The following PTPRN2 variants were observed in gnomAD, a reference collection of about 807,000 sequenced individuals.
The protein encoded by PTPRN2 is receptor-type tyrosine-protein phosphatase N2.
Under a neutral mutation model 118.8 loss-of-function variants are expected in PTPRN2, and 74 were observed. The observed-to-expected ratio is 0.62, with a 90% CI of 0.52 to 0.76. PTPRN2 has a LOEUF of 0.76. Among genes scored for constraint, PTPRN2 ranks in the 30% least tolerant of loss-of-function variants. PTPRN2 has a pLI of 0.00. For synonymous variants in PTPRN2, 641 were observed against 608.0 expected (o/e 1.05, Z -0.80); for missense variants, 1,481 against 1,394.4 (o/e 1.06, Z -0.99).
At chr7:158,227,947 C>T (rs1476117435) in intron 3 of PTPRN2, among the ~76,000 whole-genome samples, 1 of 151,198 alleles carries the variant, frequency 6.6e-6, no homozygotes, top group Non-Finnish European at 1.5e-5. Context: ...TTTTAACTCA[C>T]ATTTTCACAA....
chr7:157,583,857 G>T lies in PTPRN2; in HGVS notation c.2497-5717C>A, dbSNP rs1242203871. Among the ~76,000 whole-genome samples, 2 of 151,446 alleles carry T rather than the reference G, an allele frequency of 1.3e-5. No individual in the cohort carries two copies. Among genetic ancestry groups the T allele is most frequent in the Non-Finnish European group, 2.9e-5 (2 of 67,920 alleles). ...AGATCATGCCACTGCACGCCAGCCT[G>T]GGTGACAGAGCGAGACTCTGTCTCA... is the stretch of plus-strand genomic sequence containing the variant. On this transcript the variant is annotated intron_variant, in intron 17 of 22. Coordinates refer to ENST00000389418, the MANE Select transcript of PTPRN2 (RefSeq NM_002847.5). The surrounding 1 kb of genome is among the most constrained non-coding windows in gnomAD (Gnocchi z 5.5).
At chr7:157,679,383 G>A (rs1307731456) in intron 13 of PTPRN2, among the ~76,000 whole-genome samples, 4 of 152,098 alleles carry the variant, frequency 2.6e-5, no homozygotes, top group African/African-American at 7.2e-5. Flanking sequence ...AAACTTGGCT[G>A]GATTATCTGA....
In PTPRN2 at chr7:158,587,655, G is replaced by A; in HGVS notation, c.15C>T (p.Leu5=). 7.4e-7 allele frequency: 1 copy of A among 1,356,274 alleles called. No individual in the cohort carries two copies. Among genetic ancestry groups the A allele is most frequent in the Non-Finnish European group, 9.5e-7 (1 of 1,056,636 alleles). 84.0% of individuals were successfully genotyped at this position (1,356,274 alleles called of 1,614,324 possible). ...GCAGCAGTAGCAGCAGCAGCAGCGG[G>A]AGCGGCGGCCCCATCCCCGCGGCCT... MGPP[L]PLLLLLLLLL... is the part of the protein sequence containing the mutation. Residue 5 remains leucine, a synonymous_variant, in exon 1 of 23, where the codon CTC becomes CTT. Transcript: ENST00000389418.
Position 158,050,076 on chromosome 7 carries a change from G to T in PTPRN2, c.1723+31222C>A, listed in dbSNP as rs528459862. ...AGGAAAGAAATAAAATACATGTAGG[G>T]TAATGGGCACATTGTGATTTATATA... On this transcript the variant is annotated intron_variant, in intron 11 of 22. Coordinates refer to ENST00000389418, the MANE Select transcript of PTPRN2 (RefSeq NM_002847.5). 2.0e-5 allele frequency among the ~76,000 whole-genome samples: 3 copies of T among 152,298 alleles called. No homozygotes were observed. The East Asian group carries it at 5.8e-4, about 29-fold the overall frequency.
intron 2 of PTPRN2, among the ~76,000 whole-genome samples, chr7:158,356,301 C>A (rs909007063): frequency 2.6e-5 from 4 of 152,146 alleles, no homozygotes; most frequent in African/African-American, 9.7e-5. Flanking sequence ...ATTTATAAAG[C>A]CCCACTCAAC....
At chr7:157,782,322 TA>T (rs1376299863) in intron 12 of PTPRN2, among the ~76,000 whole-genome samples, 2 of 152,150 alleles carry the variant, frequency 1.3e-5, no homozygotes, top group Non-Finnish European at 2.9e-5. Flanking sequence ...ATCCGAGAAT[TA>T]ATGGGGCCCC....
rs1800962319 is a variant in PTPRN2 at position 157,591,147 on chromosome 7, T to C, written c.2496+4091A>G. Among the ~76,000 whole-genome samples the C allele has an allele frequency of 6.6e-6, 1 of 152,156 alleles. No homozygotes were observed. The highest frequency in any genetic ancestry group is 2.4e-5 in the African/African-American group (1 of 41,436). ...ACATAAATCCACGGTGGGGAAAAGC[T>C]GTGTGACAGGGAGGCAGAGATGAGG... On this transcript the variant is annotated intron_variant, in intron 17 of 22. Coordinates refer to ENST00000389418, the MANE Select transcript of PTPRN2 (RefSeq NM_002847.5). The surrounding 1 kb of genome is among the most constrained non-coding windows in gnomAD (Gnocchi z 4.4).
chr7:158,499,519 G>C (rs558079728), intron 1 of PTPRN2, among the ~76,000 whole-genome samples: 8 of 152,204 alleles, frequency 5.3e-5, no homozygotes, highest in Non-Finnish European at 1.2e-4. Flanking sequence ...GCCAGGCCCA[G>C]TGGCTCACGT....
chr7:158,037,071 C>G (rs1349174472), intron 11 of PTPRN2, among the ~76,000 whole-genome samples: 2 of 152,134 alleles, frequency 1.3e-5, no homozygotes, highest in Admixed American at 1.3e-4. Context: ...AACCAATGTG[C>G]CTATATGCCA....
At chr7:158,371,817 GATC>G (rs1810018904) in intron 2 of PTPRN2, among the ~76,000 whole-genome samples, 3 of 152,214 alleles carry the variant, frequency 2.0e-5, no homozygotes, top group African/African-American at 7.2e-5. Context: ...CCACATTAAA[GATC>G]ATATTTATAA....
At chr7:158,010,919 C>G (rs765535179) in intron 11 of PTPRN2, among the ~76,000 whole-genome samples, 1 of 152,206 alleles carries the variant, frequency 6.6e-6, no homozygotes, top group Non-Finnish European at 1.5e-5. Flanking sequence ...CCCAGGTGGG[C>G]AGGGGAGGAA....
chr7:157,976,706 G>A (rs1418445343), intron 11 of PTPRN2, among the ~76,000 whole-genome samples: 1 of 151,814 alleles, frequency 6.6e-6, no homozygotes, highest in East Asian at 1.9e-4. Context: ...GCCGCAGATT[G>A]GGGTAAATAA....
chr7:157,560,537 C>CG lies in PTPRN2; in HGVS notation c.2902+8364dup, dbSNP rs1167534802. The stretch of plus-strand genomic sequence containing the variant: ...CGGGACAGGGCACTGCAGACCGGCC[C>CG]GGGAACCTGGGGACACCTCACGCCC... On this transcript the variant is annotated intron_variant, in intron 21 of 22. Coordinates refer to ENST00000389418, the MANE Select transcript of PTPRN2 (RefSeq NM_002847.5). This position sits in a 1 kb window ranked among gnomAD's most constrained non-coding sequence, Gnocchi z 6.7. Among the ~76,000 whole-genome samples, 6 of 152,310 alleles carry CG rather than the reference C, an allele frequency of 3.9e-5. No individual in the cohort carries two copies. The East Asian group carries it at 1.2e-3, about 29-fold the overall frequency.
rs193278705 is a variant in PTPRN2 at position 158,188,385 on chromosome 7, G to A, written c.549+3942C>T. 1.4e-3 allele frequency among the ~76,000 whole-genome samples: 68 copies of A among 47,790 alleles called. 15 individuals carry two copies. Among genetic ancestry groups the A allele is most frequent in the African/African-American group, 7.3e-3 (52 of 7,160 alleles). 31.4% of individuals were successfully genotyped at this position (47,790 alleles called of 152,430 possible). A position where few individuals can be genotyped will look rare whatever the true frequency, so the allele number is the denominator to read the frequency against. Reference sequence around the variant, plus strand: ...CCTGATGGGGAAGGCCGCCACGCTCGCCCCGCGATGGGGAAGGCCGCCACG... The same window carrying A: ...CCTGATGGGGAAGGCCGCCACGCTCACCCCGCGATGGGGAAGGCCGCCACG... On this transcript the variant is annotated intron_variant, in intron 5 of 22. Coordinates refer to ENST00000389418, the MANE Select transcript of PTPRN2 (RefSeq NM_002847.5).
chr7:158,000,370 C>CCATG (rs57378244), intron 11 of PTPRN2, among the ~76,000 whole-genome samples: 100,672 of 151,282 alleles, frequency 0.67, 33,927 homozygotes, highest in East Asian at 0.88. Flanking sequence ...AGCCCCAGGG[C>CCATG]CATGCTTGGT....
intron 9 of PTPRN2, among the ~76,000 whole-genome samples, chr7:158,128,944 C>T (rs1041667719): frequency 6.6e-6 from 1 of 150,474 alleles, no homozygotes; most frequent in East Asian, 1.9e-4. Flanking sequence ...CACAGGCAAC[C>T]AAACACACAC....
intron 11 of PTPRN2, among the ~76,000 whole-genome samples, chr7:157,907,796 G>A (rs1345379201): frequency 1.3e-5 from 2 of 152,114 alleles, no homozygotes; most frequent in African/African-American, 2.4e-5. Context: ...CTGCCCCCAT[G>A]TGCTGTGTTC....
chr7:158,134,612 C>T (rs1015497686), intron 8 of PTPRN2, among the ~76,000 whole-genome samples: 11 of 152,076 alleles, frequency 7.2e-5, no homozygotes, highest in South Asian at 2.1e-4. Flanking sequence ...AGGCACAAAG[C>T]GATTAACCCA....
At chr7:158,142,254 A>C (rs1348012947) in intron 6 of PTPRN2, among the ~76,000 whole-genome samples, 2 of 152,144 alleles carry the variant, frequency 1.3e-5, no homozygotes, top group East Asian at 1.9e-4. Flanking sequence ...CCGCTGCCCT[A>C]GTCACCCTGG....
Sources: gnomAD v4.1 joint callset for allele counts (sites outside exome capture counted in the v4.1 genomes callset) on GRCh38, gnomAD v4.1.1 for gene constraint, Gnocchi (gnomAD v3.1) non-coding constraint, MANE v1.5 for transcripts, NCBI Gene and HGNC (gene_info 2026-07-23, HGNC 2026-07-21) for gene names.